MAN2A1: variants seen among roughly 807,000 people sequenced by gnomAD.
MAN2A1 encodes alpha-mannosidase 2.
MAN2A1 carries 76 observed loss-of-function variants against 142.6 expected under a neutral mutation model. That is an observed-to-expected ratio of 0.53 (90% CI 0.44 to 0.65). The LOEUF is 0.65. Ranked by LOEUF, MAN2A1 falls within the 30% of genes least tolerant of loss-of-function variation. The probability of loss-of-function intolerance (pLI) is 0.00; values close to 1 mark genes in which losing one functional copy is unlikely to be tolerated. For missense variants in MAN2A1, 1,311 were observed against 1,365.1 expected (o/e 0.96, Z 0.62); for synonymous variants, 559 against 473.2 (o/e 1.18, Z -2.35).
rs376097617 is a variant in MAN2A1, at chr5:109,713,786, A to G, written c.390+12A>G. 3.8e-6 allele frequency: 6 copies of G among 1,575,930 alleles called. No homozygotes were observed. Among genetic ancestry groups the G allele is most frequent in the Middle Eastern group, 1.7e-4 (1 of 5,844 alleles). On this transcript the variant is annotated intron_variant, in intron 2 of 21. Transcript: ENST00000261483. ...ATTCAGATGTGCAGGTAATGTATACATTCGTTAATAATCACTGGCCTTTTT... is the reference window on the plus strand; with the variant it reads ...ATTCAGATGTGCAGGTAATGTATACGTTCGTTAATAATCACTGGCCTTTTT...
At chr5:109,774,620 A>G (rs1295875986) in intron 7 of MAN2A1, among the ~76,000 whole-genome samples, 168 bp from the exon 8 acceptor site, 2 of 152,178 alleles carry the variant, frequency 1.3e-5, no homozygotes, top group African/African-American at 4.8e-5. Flanking sequence ...TAGTTTTAAA[A>G]AAATCTGTCT....
intron 16 of MAN2A1, among the ~76,000 whole-genome samples, chr5:109,841,137 C>T (rs957224217): frequency 6.6e-6 from 1 of 152,072 alleles, no homozygotes; most frequent in African/African-American, 2.4e-5. Flanking sequence ...ATATCTCTCT[C>T]GCACCGTTTT....
chr5:109,717,756 G>A (rs150560965), intron 3 of MAN2A1, among the ~76,000 whole-genome samples: 56 of 152,252 alleles, frequency 3.7e-4, no homozygotes, highest in Non-Finnish European at 7.4e-4. Context: ...ACATTGATTT[G>A]TGTATCTGTA....
intron 3 of MAN2A1, among the ~76,000 whole-genome samples, chr5:109,723,014 AGATT>A (rs1424949777): frequency 1.3e-5 from 2 of 152,148 alleles, no homozygotes; most frequent in Non-Finnish European, 2.9e-5. Context: ...ATTATCTTGG[AGATT>A]GATCACACAA....
In MAN2A1 at chr5:109,842,380, A is replaced by G. The variant is rs1755229539; in HGVS notation, c.2619A>G (p.Val873=). 3 of 1,595,372 alleles carry G rather than the reference A, an allele frequency of 1.9e-6. No homozygotes were observed. The highest frequency in any genetic ancestry group is 2.2e-5 in the East Asian group (1 of 44,606). ...EVSNIVDIRK[V]YNREIAMKIS... ...CCAATATTGTGGACATCCGAAAAGT[A>G]TATAACCGTGAGATTGCAATGAAAA... Residue 873 remains valine, a synonymous_variant, in exon 17 of 22, where the codon GTA becomes GTG. Transcript: ENST00000261483.
At chr5:109,775,655 G>T (rs1378384754) in intron 8 of MAN2A1, among the ~76,000 whole-genome samples, 1 of 151,926 alleles carries the variant, frequency 6.6e-6, no homozygotes, top group Non-Finnish European at 1.5e-5. Context: ...TTATATTGAA[G>T]CCAATCTCAG....
chr5:109,742,138 T>C (rs565830236), intron 4 of MAN2A1, among the ~76,000 whole-genome samples: 1 of 152,358 alleles, frequency 6.6e-6, no homozygotes, highest in African/African-American at 2.4e-5. Context: ...TGTTACATAT[T>C]CATTGTTCCT....
chr5:109,838,952 A>G (rs565208669), intron 16 of MAN2A1, among the ~76,000 whole-genome samples: 1 of 152,282 alleles, frequency 6.6e-6, no homozygotes, highest in East Asian at 1.9e-4. Context: ...ATGTTCTTTT[A>G]TAAATGCTTT....
chr5:109,827,059 C>A (rs1754778096), intron 16 of MAN2A1, among the ~76,000 whole-genome samples: 1 of 152,168 alleles, frequency 6.6e-6, no homozygotes, highest in African/African-American at 2.4e-5. Flanking sequence ...TTTTGTCCCC[C>A]TTAAACCAAC....
intron 16 of MAN2A1, among the ~76,000 whole-genome samples, chr5:109,832,260 A>T (rs963525880): frequency 4.9e-5 from 7 of 142,896 alleles, no homozygotes; most frequent in African/African-American, 1.8e-4. Flanking sequence ...TAGTGGAGGG[A>T]AGGTCAGCAG....
rs181262024 is a variant in MAN2A1 at position 109,779,526 on chromosome 5, C to T, written c.1375-1870C>T. Among the ~76,000 whole-genome samples the T allele has an allele frequency of 4.4e-4, 66 of 151,382 alleles. 1 individual carries two copies. Among genetic ancestry groups the T allele is most frequent in the Middle Eastern group, 6.8e-3 (2 of 292 alleles). On this transcript the variant is annotated intron_variant, in intron 8 of 21. Transcript: ENST00000261483. ...AGTTAATGCCATATTTCCTTCTATT[C>T]GTGACTCATTTCTTTTATGGTTACA...
chr5:109,773,826 A>G (rs1753213933), intron 7 of MAN2A1, among the ~76,000 whole-genome samples: 1 of 152,172 alleles, frequency 6.6e-6, no homozygotes. Flanking sequence ...TATATTGTGA[A>G]TTAGAATTTA....
At chr5:109,756,817 G>A (rs1025709528) in intron 5 of MAN2A1, among the ~76,000 whole-genome samples, 3 of 152,174 alleles carry the variant, frequency 2.0e-5, no homozygotes, top group Admixed American at 1.3e-4. Context: ...GTGGCTCACT[G>A]TTTTTAATCT....
chr5:109,842,617 G>T (rs1184024323), intron 17 of MAN2A1, among the ~76,000 whole-genome samples, 156 bp downstream of exon 17: 2 of 152,004 alleles, frequency 1.3e-5, no homozygotes, highest in South Asian at 2.1e-4. Context: ...AAAATTTCGG[G>T]TTCTACAGTT....
At chr5:109,753,288 A>G (rs1752596941) in intron 4 of MAN2A1, among the ~76,000 whole-genome samples, 1 of 152,224 alleles carries the variant, frequency 6.6e-6, no homozygotes, top group African/African-American at 2.4e-5. Context: ...GGCAATCACC[A>G]GAAAGATAAG....
Position 109,716,284 on chromosome 5 carries a change from A to C in MAN2A1, c.535+20A>C. 1.9e-6 allele frequency: 3 copies of C among 1,592,794 alleles called. No homozygotes were observed. The highest frequency in any genetic ancestry group is 1.7e-6 in the Non-Finnish European group (2 of 1,169,324). ...ACCCAGGTAAAATTTGCACTTCAAA[A>C]AGACAGGAGGTTATTAAGTTTCTTT... On this transcript the variant is annotated intron_variant, in intron 3 of 21. Coordinates refer to ENST00000261483, the MANE Select transcript of MAN2A1 (RefSeq NM_002372.4).
chr5:109,786,457 C>A (rs1223987141), intron 10 of MAN2A1, among the ~76,000 whole-genome samples: 2 of 152,014 alleles, frequency 1.3e-5, no homozygotes, highest in Admixed American at 1.3e-4. Context: ...TGTATCTTGA[C>A]CTGTCTGGAA....
chr5:109,864,065 T>G (rs185202634), intron 20 of MAN2A1: 41 of 152,320 alleles, frequency 2.7e-4, no homozygotes, highest in African/African-American at 9.9e-4. Context: ...TTTAGTACAT[T>G]AAAAAATCTT....
chr5:109,692,976 G>A lies in MAN2A1; in HGVS notation c.135+2424G>A, dbSNP rs574916112. 1.2e-3 allele frequency among the ~76,000 whole-genome samples: 182 copies of A among 152,286 alleles called. 1 individual carries two copies. Among genetic ancestry groups the A allele is most frequent in the African/African-American group, 4.3e-3 (179 of 41,564 alleles). ...TGCTGCTGATCTGACAGGAGGTGGA[G>A]CTCAGGCGGTAATGCTTGCTGACCT... is the stretch of plus-strand genomic sequence containing the variant. On this transcript the variant is annotated intron_variant, in intron 1 of 21. Coordinates refer to ENST00000261483, the MANE Select transcript of MAN2A1 (RefSeq NM_002372.4).
Sources: allele counts gnomAD v4.1 joint callset (sites outside exome capture counted in the v4.1 genomes callset), GRCh38; gene constraint gnomAD v4.1.1; transcripts MANE v1.5; gene names NCBI Gene and HGNC (gene_info 2026-07-23, HGNC 2026-07-21).